The following PDK1 variants were observed in gnomAD, a reference collection of about 807,000 sequenced individuals.
PDK1 encodes the protein [Pyruvate dehydrogenase (acetyl-transferring)] kinase isozyme 1, mitochondrial.
Under a neutral mutation model 54.2 loss-of-function variants are expected in PDK1, and 39 were observed. That is an observed-to-expected ratio of 0.72 (90% CI 0.56 to 0.94). The LOEUF is 0.94. PDK1 is among the 40% of genes least tolerant of loss of function. PDK1 has a pLI of 0.00. For synonymous variants in PDK1, 221 were observed against 207.1 expected, an observed-to-expected ratio of 1.07 and a Z score of -0.58; for missense variants, 552 against 566.0, an observed-to-expected ratio of 0.98 and a Z score of 0.25.
the PDK1 span, among the ~76,000 whole-genome samples, chr2:172,672,823 C>T: frequency 6.6e-6 from 1 of 152,164 alleles, no homozygotes; most frequent in Non-Finnish European, 1.5e-5. Context: ...CGCTCTGCTG[C>T]ATTAAATCTT....
At chr2:172,580,290 G>C (rs1490844449) in intron 8 of PDK1, among the ~76,000 whole-genome samples, 2 of 142,314 alleles carry the variant, frequency 1.4e-5, no homozygotes, top group African/African-American at 5.2e-5. Context: ...TTTTTGGTTA[G>C]TTGTGTGTCA....
the PDK1 span, among the ~76,000 whole-genome samples, chr2:172,719,532 G>A: frequency 6.6e-6 from 1 of 152,048 alleles, no homozygotes; most frequent in Admixed American, 6.6e-5. Flanking sequence ...GTCTCAGTGG[G>A]TTTTTATTTG....
At chr2:172,633,729 A>G in the PDK1 span, among the ~76,000 whole-genome samples, 281 of 150,672 alleles carry the variant, frequency 1.9e-3, no homozygotes, top group African/African-American at 6.5e-3. Context: ...TTTATGTATT[A>G]GCTTTATTTT....
chr2:172,682,220 G>A, the PDK1 span, among the ~76,000 whole-genome samples: 3 of 152,252 alleles, frequency 2.0e-5, no homozygotes, highest in African/African-American at 7.2e-5. Context: ...CAGCATGTCT[G>A]AGGAACAACA....
At chr2:172,640,413 G>A in the PDK1 span, among the ~76,000 whole-genome samples, 6 of 152,134 alleles carry the variant, frequency 3.9e-5, no homozygotes, top group African/African-American at 1.4e-4. Context: ...AACTGCCTGA[G>A]AACTCAGCCT....
At chr2:172,575,443 G>T (rs994053325) in intron 8 of PDK1, among the ~76,000 whole-genome samples, 1 of 152,136 alleles carries the variant, frequency 6.6e-6, no homozygotes, top group African/African-American at 2.4e-5. Context: ...TTCTGGGCCT[G>T]AGCTTGTCTT....
the PDK1 span, among the ~76,000 whole-genome samples, chr2:172,621,721 A>G: frequency 6.9e-6 from 1 of 145,848 alleles, no homozygotes; most frequent in Non-Finnish European, 1.5e-5. Context: ...AACATGTTAT[A>G]TGTTTATATC....
the PDK1 span, among the ~76,000 whole-genome samples, chr2:172,647,007 G>A: frequency 9.9e-5 from 15 of 152,114 alleles, no homozygotes; most frequent in South Asian, 3.1e-3. Context: ...AAAGTGTTGG[G>A]ATTACAGGAG....
intron 8 of PDK1, among the ~76,000 whole-genome samples, chr2:172,576,948 C>T (rs958170152): frequency 6.6e-6 from 1 of 152,194 alleles, no homozygotes; most frequent in Non-Finnish European, 1.5e-5. Context: ...GAATGTTCTA[C>T]AGATAGCTAT....
rs1691338793 is a variant in PDK1, at chr2:172,607,573, C to T, written c.*11604C>T. 6.6e-6 allele frequency: 1 copy of T among 152,204 alleles called. No individual in the cohort carries two copies. Among genetic ancestry groups the T allele is most frequent in the Non-Finnish European group, 1.5e-5 (1 of 68,058 alleles). The allele number at this position is 152,204 out of a possible 1,614,324, so 9.4% of individuals were successfully genotyped here. A position where few individuals can be genotyped will look rare whatever the true frequency, so the allele number is the denominator to read the frequency against. The stretch of plus-strand genomic sequence containing the variant: ...ACGGCTACAGGTTGTTGCATCATGC[C>T]AAGCTCTGTGTTCTTTCTAACTAGT... On this transcript the variant is annotated 3_prime_UTR_variant, in exon 11 of 11. Coordinates refer to ENST00000282077, the MANE Select transcript of PDK1 (RefSeq NM_002610.5).
At chr2:172,670,678 TAAATG>T in the PDK1 span, among the ~76,000 whole-genome samples, 8 of 152,190 alleles carry the variant, frequency 5.3e-5, no homozygotes, top group African/African-American at 1.9e-4. Context: ...CACTAAAAAA[TAAATG>T]AAATCAATAT....
intron 7 of PDK1, 58 bp downstream of exon 7, chr2:172,568,875 C>A: frequency 3.1e-6 from 3 of 972,222 alleles, no homozygotes; most frequent in Non-Finnish European, 5.0e-6. Flanking sequence ...TAGGAATCTG[C>A]TCTGAAAGCC....
At chr2:172,692,140 G>A in the PDK1 span, among the ~76,000 whole-genome samples, 1 of 152,182 alleles carries the variant, frequency 6.6e-6, no homozygotes, top group African/African-American at 2.4e-5. Flanking sequence ...GTGCAGTGGA[G>A]AGGGATGCGT....
At position 172,562,233 on chromosome 2, in the gene PDK1, C is replaced by A; in HGVS notation, c.352C>A (p.Leu118Ile). Residue 118 changes from leucine (L) to isoleucine (I), a missense_variant, in exon 3 of 11, where the codon CTT (leucine) becomes ATT (isoleucine). Coordinates refer to ENST00000282077, the MANE Select transcript of PDK1 (RefSeq NM_002610.5). ...TCTGCATTTTAGGTATATCCAGAGTCTTCAGGAGCTTCTTGATTTTAAGGA... is the reference window on the plus strand; with the variant it reads ...TCTGCATTTTAGGTATATCCAGAGTATTCAGGAGCTTCTTGATTTTAAGGA... ...QLVQSWYIQS[L>I]QELLDFKDKS... 6.3e-7 allele frequency: 1 copy of A among 1,585,226 alleles called. No individual in the cohort carries two copies. Among genetic ancestry groups the A allele is most frequent in the South Asian group, 1.1e-5 (1 of 90,332 alleles).
intron 8 of PDK1, among the ~76,000 whole-genome samples, chr2:172,579,874 G>A (rs1207174230): frequency 6.6e-6 from 1 of 151,832 alleles, no homozygotes; most frequent in Non-Finnish European, 1.5e-5. Context: ...TTAAGAGGAT[G>A]TTGGGCTTCA....
At chr2:172,688,105 T>G in the PDK1 span, among the ~76,000 whole-genome samples, 1 of 152,202 alleles carries the variant, frequency 6.6e-6, no homozygotes, top group African/African-American at 2.4e-5. Context: ...CATATATTTT[T>G]CCTTGAGAGG....
chr2:172,633,947 C>G, the PDK1 span, among the ~76,000 whole-genome samples: 1 of 146,230 alleles, frequency 6.8e-6, no homozygotes, highest in African/African-American at 2.5e-5. Context: ...ACGATCTCGC[C>G]TCACTGCAAA....
chr2:172,660,948 C>T, the PDK1 span, among the ~76,000 whole-genome samples: 1 of 151,872 alleles, frequency 6.6e-6, no homozygotes, highest in African/African-American at 2.4e-5. Context: ...TTCATGAGCT[C>T]TGTAGATGGT....
At chr2:172,660,749 CTT>C in the PDK1 span, among the ~76,000 whole-genome samples, 2 of 151,924 alleles carry the variant, frequency 1.3e-5, no homozygotes, top group East Asian at 3.9e-4. Context: ...TCTGTGGACA[CTT>C]TGGGTTTCCT....
Sources: allele counts gnomAD v4.1 joint callset (sites outside exome capture counted in the v4.1 genomes callset), GRCh38; gene constraint gnomAD v4.1.1; transcripts MANE v1.5; gene names NCBI Gene and HGNC (gene_info 2026-07-23, HGNC 2026-07-21).